Variants in TAFA1 observed in about 807,000 individuals in gnomAD.
TAFA1 encodes the protein TAFA chemokine like family member 1.
Under a neutral mutation model 18.5 loss-of-function variants are expected in TAFA1, and 4 were observed. The ratio of observed to expected loss-of-function variants is 0.22; its 90% CI spans 0.11 to 0.49. The LOEUF is 0.49. TAFA1 is among the 20% of genes least tolerant of loss of function. The probability of loss-of-function intolerance (pLI) is 0.98; values close to 1 mark genes in which losing one functional copy is unlikely to be tolerated. For missense variants in TAFA1, 147 were observed against 169.0 expected, an observed-to-expected ratio of 0.87 and a Z score of 0.72; for synonymous variants, 56 against 55.2, an observed-to-expected ratio of 1.01 and a Z score of -0.06.
intron 3 of TAFA1, among the ~76,000 whole-genome samples, chr3:68,486,855 A>G (rs957413671): frequency 6.6e-6 from 1 of 152,304 alleles, no homozygotes; most frequent in Non-Finnish European, 1.5e-5. Context: ...AGTGTTTTCT[A>G]CATTTCGGGG....
chr3:68,347,617 C>A (rs781308472), intron 2 of TAFA1, among the ~76,000 whole-genome samples: 1 of 152,148 alleles, frequency 6.6e-6, no homozygotes, highest in Non-Finnish European at 1.5e-5. Context: ...AATGAATGAC[C>A]ATGGTTGTGC....
chr3:68,108,246 G>A (rs751028735), intron 2 of TAFA1, among the ~76,000 whole-genome samples: 55 of 152,170 alleles, frequency 3.6e-4, no homozygotes, highest in Non-Finnish European at 7.1e-4. Context: ...TGTTAGATAA[G>A]AGCTGTGAGA....
chr3:68,485,581 C>A (rs2072320026), intron 3 of TAFA1, among the ~76,000 whole-genome samples: 1 of 152,190 alleles, frequency 6.6e-6, no homozygotes, highest in African/African-American at 2.4e-5. Flanking sequence ...TTTCCTTTGA[C>A]ACTCCAATAA....
chr3:68,232,280 T>C (rs2066881236), intron 2 of TAFA1, among the ~76,000 whole-genome samples: 3 of 152,164 alleles, frequency 2.0e-5, no homozygotes, highest in Non-Finnish European at 4.4e-5. Context: ...TATGCTCAAC[T>C]TTTTTAGCTC....
chr3:68,535,035 G>C (rs2073254124), intron 3 of TAFA1, among the ~76,000 whole-genome samples: 2 of 152,284 alleles, frequency 1.3e-5, no homozygotes, highest in South Asian at 4.1e-4. Flanking sequence ...TTCCATTCTT[G>C]ATGGTTTAGA....
At chr3:68,384,323 A>G (rs1228727778) in intron 2 of TAFA1, among the ~76,000 whole-genome samples, 1 of 151,886 alleles carries the variant, frequency 6.6e-6, no homozygotes, top group Non-Finnish European at 1.5e-5. Flanking sequence ...CTCTAAATCT[A>G]TCTTAACACT....
At chr3:68,350,455 G>A (rs988911896) in intron 2 of TAFA1, among the ~76,000 whole-genome samples, 6 of 152,070 alleles carry the variant, frequency 3.9e-5, no homozygotes, top group African/African-American at 1.4e-4. Context: ...AGGGATGGGA[G>A]GGATACATGC....
chr3:68,391,960 A>G (rs2070261101), intron 2 of TAFA1, among the ~76,000 whole-genome samples: 1 of 152,212 alleles, frequency 6.6e-6, no homozygotes. Context: ...ACTAATGGGC[A>G]AAATAACCAG....
intron 2 of TAFA1, among the ~76,000 whole-genome samples, chr3:68,020,215 A>G (rs1641538910): frequency 1.3e-5 from 2 of 152,186 alleles, no homozygotes; most frequent in Admixed American, 1.3e-4. Context: ...TTGGGCAAAG[A>G]GTTGATTTGC....
intron 2 of TAFA1, among the ~76,000 whole-genome samples, chr3:68,409,120 C>G (rs2070665425): frequency 6.6e-6 from 1 of 152,080 alleles, no homozygotes; most frequent in South Asian, 2.1e-4. Flanking sequence ...ACAGCAATAC[C>G]CACACACATG....
At chr3:68,086,693 G>A (rs143805234) in intron 2 of TAFA1, among the ~76,000 whole-genome samples, 3 of 152,276 alleles carry the variant, frequency 2.0e-5, no homozygotes, top group African/African-American at 7.2e-5. Context: ...TAGTCTAAAT[G>A]GTGATAGCAG....
At chr3:68,237,603 G>A (rs1380487619) in intron 2 of TAFA1, among the ~76,000 whole-genome samples, 1 of 152,116 alleles carries the variant, frequency 6.6e-6, no homozygotes, top group Non-Finnish European at 1.5e-5. Flanking sequence ...CAACTTGGAG[G>A]CAGATTATCT....
chr3:68,410,402 G>A (rs1453533706), intron 2 of TAFA1, among the ~76,000 whole-genome samples: 1 of 152,030 alleles, frequency 6.6e-6, no homozygotes, highest in Non-Finnish European at 1.5e-5. Flanking sequence ...TTTCCAGATC[G>A]GTGTGCATTA....
intron 2 of TAFA1, among the ~76,000 whole-genome samples, chr3:68,052,098 A>C (rs140158293): frequency 2.6e-5 from 4 of 152,284 alleles, no homozygotes; most frequent in Admixed American, 2.0e-4. Flanking sequence ...TCTCAATATT[A>C]TGATTTCATG....
At chr3:68,486,320 T>C (rs557084645) in intron 3 of TAFA1, among the ~76,000 whole-genome samples, 1 of 152,114 alleles carries the variant, frequency 6.6e-6, no homozygotes. Context: ...AAAAAAGCCA[T>C]ATACAGGATT....
chr3:68,167,464 C>T (rs12629045), intron 2 of TAFA1, among the ~76,000 whole-genome samples: 4 of 151,384 alleles, frequency 2.6e-5, no homozygotes, highest in Non-Finnish European at 5.9e-5. Context: ...GTAGTCCCAG[C>T]TACTCGGGAG....
At chr3:68,165,833 C>G (rs1267896822) in intron 2 of TAFA1, among the ~76,000 whole-genome samples, 1 of 152,236 alleles carries the variant, frequency 6.6e-6, no homozygotes, top group Non-Finnish European at 1.5e-5. Flanking sequence ...GTTTTGCTCA[C>G]TGCTATATCC....
intron 2 of TAFA1, among the ~76,000 whole-genome samples, chr3:68,261,461 C>A (rs1389890718): frequency 6.6e-6 from 1 of 152,164 alleles, no homozygotes; most frequent in South Asian, 2.1e-4. Flanking sequence ...AAGATACATG[C>A]ACATGTATGT....
rs140025161 is a variant in TAFA1 at position 68,290,292 on chromosome 3, C to A, written c.119-126988C>A. Among the ~76,000 whole-genome samples, 7 of 152,204 alleles carry A rather than the reference C, an allele frequency of 4.6e-5. No individual in the cohort carries two copies. The East Asian group carries it at 1.2e-3, about 25-fold the overall frequency. On this transcript the variant is annotated intron_variant, in intron 2 of 4. Transcript: ENST00000478136. ...ATACTAGTATTAATGTTCTATGGAACAATCTTTGGGAAAAACTATTATTCA... is the reference window on the plus strand; with the variant it reads ...ATACTAGTATTAATGTTCTATGGAAAAATCTTTGGGAAAAACTATTATTCA...
Sources: allele counts gnomAD v4.1 joint callset (sites outside exome capture counted in the v4.1 genomes callset), GRCh38; gene constraint gnomAD v4.1.1; transcripts MANE v1.5; gene names NCBI Gene and HGNC (gene_info 2026-07-23, HGNC 2026-07-21).